Variants in ITSN1 observed in about 807,000 individuals in gnomAD.
The protein encoded by ITSN1 is intersectin 1.
A neutral mutation model predicts 239.8 loss-of-function variants in ITSN1; 58 were observed. The observed-to-expected ratio is 0.24, with a 90% CI of 0.20 to 0.30. The LOEUF (loss-of-function observed/expected upper bound fraction) is 0.30, where lower values mean the gene tolerates loss of function less well. Ranked by LOEUF, ITSN1 falls within the 10% of genes least tolerant of loss-of-function variation. The pLI is 1.00. For missense variants in ITSN1, 1,558 were observed against 2,103.3 expected, an observed-to-expected ratio of 0.74 and a Z score of 5.07; for synonymous variants, 780 against 770.8, an observed-to-expected ratio of 1.01 and a Z score of -0.20.
chr21:33,759,632 G>A (rs2068154331), intron 8 of ITSN1, among the ~76,000 whole-genome samples: 2 of 152,076 alleles, frequency 1.3e-5, no homozygotes, highest in South Asian at 4.1e-4. Flanking sequence ...CAGTCCTTTA[G>A]AATCTTCACA....
intron 4 of ITSN1, among the ~76,000 whole-genome samples, chr21:33,731,520 GCAACCAGAAGC>G (rs2066184414): frequency 6.6e-6 from 1 of 152,188 alleles, no homozygotes; most frequent in Non-Finnish European, 1.5e-5. Flanking sequence ...CAAAAATAAA[GCAACCAGAAGC>G]CAGTTTCATT....
intron 29 of ITSN1, among the ~76,000 whole-genome samples, chr21:33,849,790 C>A (rs934039614): frequency 6.6e-6 from 1 of 152,158 alleles, no homozygotes; most frequent in Non-Finnish European, 1.5e-5. Context: ...TATACACCTA[C>A]AATGTACCCA....
intron 1 of ITSN1, among the ~76,000 whole-genome samples, chr21:33,692,776 CT>C (rs925839934): frequency 1.3e-4 from 19 of 146,440 alleles, no homozygotes; most frequent in Admixed American, 3.4e-4. Context: ...TAATCTATTT[CT>C]TTTTTTTTTT....
At chr21:33,800,992 TC>T (rs1363309092) in intron 19 of ITSN1, among the ~76,000 whole-genome samples, 1 of 151,588 alleles carries the variant, frequency 6.6e-6, no homozygotes, top group Non-Finnish European at 1.5e-5. Context: ...CACCTCATCC[TC>T]CCAACTAGCT....
At chr21:33,700,302 C>G (rs1442722237) in intron 1 of ITSN1, among the ~76,000 whole-genome samples, 1 of 152,152 alleles carries the variant, frequency 6.6e-6, no homozygotes, top group African/African-American at 2.4e-5. Context: ...CCAGGCTGGT[C>G]TCGAACTCCT....
chr21:33,729,394 G>A (rs1278920931), intron 4 of ITSN1, among the ~76,000 whole-genome samples: 1 of 151,636 alleles, frequency 6.6e-6, no homozygotes, highest in Admixed American at 6.6e-5. Flanking sequence ...CCTGCATTGC[G>A]CTATGATTGT....
chr21:33,866,404 C>T lies in ITSN1; in HGVS notation c.4075-829C>T, dbSNP rs997975489. Among the ~76,000 whole-genome samples the T allele has an allele frequency of 6.6e-5, 10 of 152,222 alleles. No individual in the cohort carries two copies. The East Asian group carries it at 9.6e-4, about 15-fold the overall frequency. On this transcript the variant is annotated intron_variant, in intron 32 of 39. Coordinates refer to ENST00000381318, the MANE Select transcript of ITSN1 (RefSeq NM_003024.3). ...CCAAGGGCTGGGCTCTTCCTAGGCC[C>T]GAGCAAGATGAGTTCATTGTTGGAT... is the stretch of plus-strand genomic sequence containing the variant.
intron 12 of ITSN1, 115 bp downstream of exon 12, chr21:33,772,438 A>G: frequency 3.1e-6 from 4 of 1,292,034 alleles, no homozygotes; most frequent in East Asian, 2.5e-5. Context: ...TAGTTTTAGT[A>G]TATTCCCAAA....
At chr21:33,852,325 A>C (rs1978475214) in intron 29 of ITSN1, among the ~76,000 whole-genome samples, 1 of 152,154 alleles carries the variant, frequency 6.6e-6, no homozygotes, top group Non-Finnish European at 1.5e-5. Context: ...TTCGTTTTCA[A>C]AATTCTGCTT....
At position 33,823,483 on chromosome 21, in the gene ITSN1, C is replaced by G; in HGVS notation, c.3017-4C>G. ...CTCCGTATCTCAATATTTCTCCCCA[C>G]CAGAATTTATTGCCATGTACACTTA... On this transcript the variant is annotated splice_polypyrimidine_tract_variant and splice_region_variant and intron_variant, in intron 24 of 39. Coordinates refer to ENST00000381318, the MANE Select transcript of ITSN1 (RefSeq NM_003024.3). The G allele has an allele frequency of 1.9e-6, 3 of 1,611,802 alleles. No individual in the cohort carries two copies. Among genetic ancestry groups the G allele is most frequent in the Non-Finnish European group, 2.5e-6 (3 of 1,178,770 alleles).
Position 33,667,288 on chromosome 21 carries a change from G to T in ITSN1, c.-33+24575G>T, listed in dbSNP as rs529660130. On this transcript the variant is annotated intron_variant, in intron 1 of 39. Coordinates refer to ENST00000381318, the MANE Select transcript of ITSN1 (RefSeq NM_003024.3). ...TGTTTTTTTTTTACAATTCTCTAAG[G>T]TAAGCTCTTTGTGATCCTCAATAAT... Among the ~76,000 whole-genome samples the T allele has an allele frequency of 1.4e-4, 21 of 151,766 alleles. No homozygotes were observed. In the South Asian group the frequency reaches 4.4e-3, roughly 32 times the overall value.
chr21:33,769,756 C>T (rs563515090), intron 11 of ITSN1, among the ~76,000 whole-genome samples: 6 of 151,236 alleles, frequency 4.0e-5, no homozygotes, highest in East Asian at 3.9e-4. Context: ...AGTGCAATGG[C>T]GTAATCTCGG....
At position 33,794,346 on chromosome 21, in the gene ITSN1, A is replaced by G. The variant is rs1045575186; in HGVS notation, c.1830A>G (p.Leu610=). The G allele has an allele frequency of 1.2e-6, 2 of 1,610,532 alleles. No individual in the cohort carries two copies. The highest frequency in any genetic ancestry group is 2.7e-5 in the African/African-American group (2 of 74,652). Reference sequence around the variant, plus strand: ...TGTTTCTCGGTTAATTATAGGAACTAAGAGAAATACACAATAAGCAACAAC... The same window carrying G: ...TGTTTCTCGGTTAATTATAGGAACTGAGAGAAATACACAATAAGCAACAAC... ...IDIFNNQLKE[L]REIHNKQQLQ... is the part of the protein sequence containing the mutation. Residue 610 remains leucine, a synonymous_variant, in exon 17 of 40, where the codon CTA becomes CTG. Transcript: ENST00000381318.
At chr21:33,688,543 G>T (rs965438795) in intron 1 of ITSN1, among the ~76,000 whole-genome samples, 3 of 152,190 alleles carry the variant, frequency 2.0e-5, no homozygotes, top group Non-Finnish European at 2.9e-5. Flanking sequence ...TGTAACAGAG[G>T]CTGGGAATGC....
chr21:33,743,632 T>TA (rs2066999942), intron 5 of ITSN1, among the ~76,000 whole-genome samples: 1 of 152,164 alleles, frequency 6.6e-6, no homozygotes, highest in South Asian at 2.1e-4. Context: ...ACAACTTTCT[T>TA]AAAATAAGAG....
chr21:33,743,526 T>C (rs535634408), intron 5 of ITSN1, among the ~76,000 whole-genome samples: 2 of 136,186 alleles, frequency 1.5e-5, no homozygotes, highest in African/African-American at 5.1e-5. Context: ...GTAACAAGTA[T>C]TTAAGACAAA....
At chr21:33,684,827 A>C (rs996438601) in intron 1 of ITSN1, among the ~76,000 whole-genome samples, 1 of 152,226 alleles carries the variant, frequency 6.6e-6, no homozygotes, top group East Asian at 1.9e-4. Context: ...TAATTGTTTT[A>C]TAACTTTAAA....
At position 33,858,624 on chromosome 21, in the gene ITSN1, G is replaced by A. The variant is rs554750063; in HGVS notation, c.3784-62G>A. The A allele has an allele frequency of 2.1e-4, 215 of 1,032,420 alleles. 1 individual carries two copies. The South Asian group carries it at 2.6e-3, about 13-fold the overall frequency. The allele number at this position is 1,032,420 out of a possible 1,614,324, so 64.0% of individuals were successfully genotyped here. On this transcript the variant is annotated intron_variant, in intron 30 of 39. Transcript: ENST00000381318. ...CTTTCCCTGCTCTCAGCGGATCGGCGTGTGAGTGTGTGAGTTTTAAGCTAA... is the reference window on the plus strand; with the variant it reads ...CTTTCCCTGCTCTCAGCGGATCGGCATGTGAGTGTGTGAGTTTTAAGCTAA...
At chr21:33,880,169 C>G (rs929511009) in intron 34 of ITSN1, among the ~76,000 whole-genome samples, 1 of 152,198 alleles carries the variant, frequency 6.6e-6, no homozygotes, top group African/African-American at 2.4e-5. Flanking sequence ...ATGCGTGGCC[C>G]AGGTCTGGAC....
Sources: allele counts gnomAD v4.1 joint callset (sites outside exome capture counted in the v4.1 genomes callset), GRCh38; gene constraint gnomAD v4.1.1; transcripts MANE v1.5; gene names NCBI Gene and HGNC (gene_info 2026-07-23, HGNC 2026-07-21).